The following CATSPERE variants were observed in gnomAD, a reference collection of about 807,000 sequenced individuals.
The protein encoded by CATSPERE is catsper channel auxiliary subunit epsilon.
In CATSPERE, 93 loss-of-function variants were observed where a neutral mutation model predicts 114.1. That is an observed-to-expected ratio of 0.81 (90% CI 0.69 to 0.97). The LOEUF (loss-of-function observed/expected upper bound fraction) is 0.97, where lower values mean the gene tolerates loss of function less well. Ranked by LOEUF, CATSPERE falls within the 50% of genes least tolerant of loss-of-function variation. CATSPERE has a pLI of 0.00. For synonymous variants in CATSPERE, 341 were observed against 384.1 expected, an observed-to-expected ratio of 0.89 and a Z score of 1.31; for missense variants, 1,058 against 1,131.6, an observed-to-expected ratio of 0.93 and a Z score of 0.93.
intron 11 of CATSPERE, among the ~76,000 whole-genome samples, chr1:244,578,805 TA>T (rs1450902116): frequency 8.3e-6 from 1 of 120,106 alleles, no homozygotes; most frequent in East Asian, 2.2e-4. Context: ...ATACAGGTTA[TA>T]TATATAGGTG....
intron 20 of CATSPERE, among the ~76,000 whole-genome samples, chr1:244,621,145 TATATTATAAA>T (rs1173418111): frequency 0.065 from 4,827 of 73,876 alleles, 280 homozygotes; most frequent in Non-Finnish European, 0.081. Context: ...ATAAAATATA[TATATTATAAA>T]ATATATATAT....
chr1:244,515,770 A>G (rs1676505857), intron 7 of CATSPERE, among the ~76,000 whole-genome samples: 1 of 152,124 alleles, frequency 6.6e-6, no homozygotes, highest in South Asian at 2.1e-4. Flanking sequence ...CAACATGTAC[A>G]GCCATATGTT....
rs200656739 is a variant in CATSPERE at position 244,593,419 on chromosome 1, G to A, written c.2214G>A (p.Ser738=). The A allele has an allele frequency of 6.9e-5, 112 of 1,613,124 alleles. No homozygotes were observed. In the East Asian group the frequency reaches 7.6e-4, roughly 11 times the overall value. ...IEKSYLRHQP[S]KNLRVRYIWG... is the part of the protein sequence containing the mutation. Reference sequence around the variant, plus strand: ...GGTCATATCTGAGGCATCAGCCATCGAAAAACTTGGTAAGAAAATGATAAA... The same window carrying A: ...GGTCATATCTGAGGCATCAGCCATCAAAAAACTTGGTAAGAAAATGATAAA... The change falls in exon 16 of 22, where the codon TCG becomes TCA. Residue 738 remains serine, a synonymous_variant. Transcript: ENST00000366534.
rs1558558869 is a variant in CATSPERE, at chr1:244,593,587, A to G, written c.2303+9A>G. 6.2e-7 allele frequency: 1 copy of G among 1,602,768 alleles called. No individual in the cohort carries two copies. Among genetic ancestry groups the G allele is most frequent in the Non-Finnish European group, 8.5e-7 (1 of 1,172,350 alleles). On this transcript the variant is annotated intron_variant, in intron 17 of 21. Coordinates refer to ENST00000366534, the MANE Select transcript of CATSPERE (RefSeq NM_001130957.2). The stretch of plus-strand genomic sequence containing the variant: ...CAACCTGTGGTTCAACTGTAAGTAT[A>G]TTCTCATCAACATTTTAACTTATAT...
intron 6 of CATSPERE, among the ~76,000 whole-genome samples, chr1:244,492,050 T>C (rs140960929): frequency 6.6e-6 from 1 of 152,008 alleles, no homozygotes; most frequent in Non-Finnish European, 1.5e-5. Flanking sequence ...TCTGAAACTA[T>C]TCCAATCAAT....
chr1:244,527,678 C>A (rs1678868718), intron 8 of CATSPERE, among the ~76,000 whole-genome samples: 1 of 152,132 alleles, frequency 6.6e-6, no homozygotes, highest in South Asian at 2.1e-4. Context: ...TCCATTAAAT[C>A]TTCAGAATTT....
At chr1:244,595,309 A>T (rs1341818269) in intron 17 of CATSPERE, among the ~76,000 whole-genome samples, 3 of 152,170 alleles carry the variant, frequency 2.0e-5, no homozygotes, top group Non-Finnish European at 4.4e-5. Context: ...AAAGATTCCA[A>T]CCCAGCTATA....
intron 17 of CATSPERE, among the ~76,000 whole-genome samples, chr1:244,594,709 C>G (rs1047596810): frequency 6.6e-6 from 1 of 152,184 alleles, no homozygotes; most frequent in Non-Finnish European, 1.5e-5. Flanking sequence ...CTTCTGAGAT[C>G]TCTCAGGGTG....
chr1:244,453,275 G>A (rs1029162443), upstream of CATSPERE, among the ~76,000 whole-genome samples: 15 of 152,172 alleles, frequency 9.9e-5, no homozygotes, highest in Admixed American at 5.2e-4. Context: ...TCAAATGCCC[G>A]AGGTAGTGTT....
intron 5 of CATSPERE, among the ~76,000 whole-genome samples, chr1:244,481,816 G>A (rs1045437569): frequency 5.1e-4 from 78 of 152,166 alleles, no homozygotes; most frequent in African/African-American, 1.8e-3. Flanking sequence ...ATAGCACCTT[G>A]ATCTTTGGAC....
At chr1:244,572,841 T>A in intron 11 of CATSPERE, 69 bp downstream of exon 11, 1 of 1,047,050 alleles carries the variant, frequency 9.6e-7, no homozygotes, top group Non-Finnish European at 1.3e-6. Flanking sequence ...AACATTTTTG[T>A]AAATGGATTT....
intron 1 of CATSPERE, among the ~76,000 whole-genome samples, chr1:244,455,802 A>G (rs1226201013): frequency 6.6e-6 from 1 of 151,884 alleles, no homozygotes; most frequent in African/African-American, 2.4e-5. Flanking sequence ...CGTTTTGGAA[A>G]AAAGCTCTGT....
intron 8 of CATSPERE, among the ~76,000 whole-genome samples, chr1:244,550,214 T>C: frequency 6.6e-6 from 1 of 152,184 alleles, no homozygotes; most frequent in East Asian, 1.9e-4. Flanking sequence ...TCATGGGACT[T>C]CTCAGCTTCC....
intron 11 of CATSPERE, among the ~76,000 whole-genome samples, chr1:244,579,637 A>T (rs914479726): frequency 6.6e-6 from 1 of 152,228 alleles, no homozygotes; most frequent in Admixed American, 6.5e-5. Flanking sequence ...TTTGCAACTC[A>T]GACCTTCAAA....
chr1:244,541,682 A>T (rs1294758428), intron 8 of CATSPERE, among the ~76,000 whole-genome samples: 2 of 146,702 alleles, frequency 1.4e-5, no homozygotes, highest in Non-Finnish European at 3.0e-5. Context: ...ACTATAAATC[A>T]TGCTGCTATA....
chr1:244,574,957 C>G (rs1040765918), intron 11 of CATSPERE, among the ~76,000 whole-genome samples: 16 of 152,066 alleles, frequency 1.1e-4, no homozygotes, highest in Non-Finnish European at 1.5e-5. Context: ...CTTTTTCTTC[C>G]TAGTCTTACC....
chr1:244,529,301 A>G (rs1679221096), intron 8 of CATSPERE, among the ~76,000 whole-genome samples: 1 of 152,170 alleles, frequency 6.6e-6, no homozygotes, highest in African/African-American at 2.4e-5. Flanking sequence ...CCCACAGCAT[A>G]CAGGGGCTCC....
At chr1:244,498,622 G>A (rs536633113) in intron 6 of CATSPERE, among the ~76,000 whole-genome samples, 1 of 152,290 alleles carries the variant, frequency 6.6e-6, no homozygotes, top group Non-Finnish European at 1.5e-5. Context: ...GATGGGCTGG[G>A]CGTGGTGGCT....
intron 2 of CATSPERE, among the ~76,000 whole-genome samples, chr1:244,468,545 C>G (rs1345352471): frequency 6.6e-6 from 1 of 152,102 alleles, no homozygotes; most frequent in African/African-American, 2.4e-5. Context: ...GTTTGATTAT[C>G]AGCAAGAAAG....
Sources: gnomAD v4.1 joint callset for allele counts (sites outside exome capture counted in the v4.1 genomes callset) on GRCh38, gnomAD v4.1.1 for gene constraint, MANE v1.5 for transcripts, NCBI Gene and HGNC (gene_info 2026-07-23, HGNC 2026-07-21) for gene names.